The following APOL3 variants were observed in gnomAD, a reference collection of about 807,000 sequenced individuals.
APOL3 encodes apolipoprotein L3.
A neutral mutation model predicts 11.6 loss-of-function variants in APOL3; 14 were observed. The ratio of observed to expected loss-of-function variants is 1.21; its 90% CI spans 0.80 to 1.89. The LOEUF (loss-of-function observed/expected upper bound fraction) is 1.89, where lower values mean the gene tolerates loss of function less well. Ranked by LOEUF, APOL3 falls within the 40% of genes most tolerant of loss-of-function variation. The probability of loss-of-function intolerance (pLI) is 0.00; values close to 1 mark genes in which losing one functional copy is unlikely to be tolerated. For synonymous variants in APOL3, 192 were observed against 190.6 expected (o/e 1.01, Z -0.06); for missense variants, 483 against 492.1 (o/e 0.98, Z 0.17).
intron 1 of APOL3, among the ~76,000 whole-genome samples, chr22:36,147,347 T>A (rs1274746694): frequency 6.6e-6 from 1 of 152,138 alleles, no homozygotes; most frequent in East Asian, 1.9e-4. Context: ...ACCTCTGTCC[T>A]CTGCAGGCTG....
At chr22:36,140,340 G>C (rs1416295299) in exon 3 of APOL3, 1 of 152,196 alleles carries the variant, frequency 6.6e-6, no homozygotes, top group East Asian at 1.9e-4. Flanking sequence ...TGGTGAGTAG[G>C]TGAGTTTATT....
intron 1 of APOL3, chr22:36,156,021 G>T: frequency 7.3e-6 from 2 of 274,860 alleles, no homozygotes; most frequent in South Asian, 6.3e-5. Context: ...CCCTGCAAGT[G>T]GCTGTGGGGC....
chr22:36,146,793 A>G (rs1016929936), intron 1 of APOL3, among the ~76,000 whole-genome samples: 1 of 152,198 alleles, frequency 6.6e-6, no homozygotes, highest in Non-Finnish European at 1.5e-5. Flanking sequence ...ACATAATATT[A>G]TCAGTACAAA....
Position 36,150,014 on chromosome 22 carries a change from T to C in APOL3, c.224-4415A>G, listed in dbSNP as rs746038271. On this transcript the variant is annotated intron_variant, in intron 1 of 2. Coordinates refer to ENST00000349314, the Ensembl canonical transcript of APOL3. ...TTTTAGAAATGTGGATCTTGCTTTG[T>C]TGCCCAGAGCTGGTCTCCAACTCCT... The C allele has an allele frequency of 3.4e-4, 146 of 424,876 alleles. 4 individuals carry two copies. Among genetic ancestry groups the C allele is most frequent in the South Asian group, 2.2e-3 (127 of 57,962 alleles). 26.3% of individuals were successfully genotyped at this position (424,876 alleles called of 1,614,324 possible).
chr22:36,165,433 A>C (rs2013834951), upstream of APOL3: 1 of 152,148 alleles, frequency 6.6e-6, no homozygotes, highest in Non-Finnish European at 1.5e-5. Context: ...GTGCAAACCA[A>C]CTTAAAAAAA....
chr22:36,147,400 C>A (rs2060259434), intron 1 of APOL3, among the ~76,000 whole-genome samples: 1 of 152,172 alleles, frequency 6.6e-6, no homozygotes, highest in Admixed American at 6.5e-5. Context: ...CTGAACCCAG[C>A]TGGCCGCGTT....
intron 1 of APOL3, among the ~76,000 whole-genome samples, chr22:36,153,885 C>T (rs2012264263): frequency 1.3e-5 from 2 of 152,156 alleles, no homozygotes; most frequent in Admixed American, 1.3e-4. Context: ...AGAAATACAT[C>T]GGTTTGGTCT....
exon 3 of APOL3, chr22:36,141,345 T>A (rs1208108559): frequency 1.2e-6 from 2 of 1,614,184 alleles, no homozygotes; most frequent in Admixed American, 3.3e-5. Flanking sequence ...GTATACAAGG[T>A]TGACCACATC....
chr22:36,145,732 G>A (rs2060174939), intron 1 of APOL3, 133 bp from the exon 3 acceptor site: 2 of 1,072,652 alleles, frequency 1.9e-6, no homozygotes, highest in Non-Finnish European at 2.7e-6. Flanking sequence ...AGGCATCAGT[G>A]CTATAGACTG....
intron 2 of APOL3, among the ~76,000 whole-genome samples, chr22:36,145,201 GAA>G (rs1382648909): frequency 2.6e-5 from 4 of 152,188 alleles, no homozygotes; most frequent in Non-Finnish European, 5.9e-5. Flanking sequence ...AAGGAAGGCA[GAA>G]AGTAGTCAAG....
At chr22:36,145,485 G>T in exon 2 of APOL3, 1 of 1,614,054 alleles carries the variant, frequency 6.2e-7, no homozygotes, top group Non-Finnish European at 8.5e-7. Flanking sequence ...GGGCAATTCA[G>T]CCGCAGTCAC....
At chr22:36,159,540 T>C (rs1228277679) in intron 1 of APOL3, 1 of 152,222 alleles carries the variant, frequency 6.6e-6, no homozygotes, top group African/African-American at 2.4e-5. Context: ...CTTCCACAGT[T>C]TGACTTTTAA....
chr22:36,145,389 T>C, intron 2 of APOL3, 84 bp downstream of exon 3: 1 of 1,520,562 alleles, frequency 6.6e-7, no homozygotes, highest in South Asian at 1.3e-5. Flanking sequence ...CTGGAGGAGG[T>C]GTGCCTGCCA....
intron 1 of APOL3, among the ~76,000 whole-genome samples, 166 bp downstream of exon 2, chr22:36,148,880 C>T (rs1176933277): frequency 2.0e-5 from 3 of 152,184 alleles, no homozygotes; most frequent in Non-Finnish European, 4.4e-5. Context: ...CCCCCACAGA[C>T]CCTTGGGTCG....
intron 2 of APOL3, among the ~76,000 whole-genome samples, chr22:36,145,021 A>G (rs2060137604): frequency 1.2e-5 from 1 of 86,570 alleles, no homozygotes. Flanking sequence ...AAAAAAAAAA[A>G]AAAAGAAAAA....
chr22:36,151,280 G>A (rs911985836), intron 1 of APOL3, among the ~76,000 whole-genome samples: 1 of 152,094 alleles, frequency 6.6e-6, no homozygotes, highest in Non-Finnish European at 1.5e-5. Context: ...ATAGATCTAG[G>A]ATCAGATAAA....
At chr22:36,146,741 G>A (rs115887018) in intron 1 of APOL3, among the ~76,000 whole-genome samples, 160 of 152,162 alleles carry the variant, frequency 1.1e-3, no homozygotes, top group African/African-American at 3.7e-3. Flanking sequence ...AGGTACAAAT[G>A]TTTCAACAGA....
At chr22:36,144,077 C>A (rs1429483780) in intron 2 of APOL3, among the ~76,000 whole-genome samples, 1 of 152,108 alleles carries the variant, frequency 6.6e-6, no homozygotes, top group African/African-American at 2.4e-5. Context: ...TTCAGAATGC[C>A]CCAGTTCCCA....
At chr22:36,156,836 T>G (rs2012950452) in intron 1 of APOL3, 4 of 423,414 alleles carry the variant, frequency 9.4e-6, no homozygotes, top group Non-Finnish European at 1.9e-5. Flanking sequence ...GCATCCCCTA[T>G]GACTGACCTG....
Sources: gnomAD v4.1 joint callset for allele counts (sites outside exome capture counted in the v4.1 genomes callset) on GRCh38, gnomAD v4.1.1 for gene constraint, MANE v1.5 for transcripts, NCBI Gene and HGNC (gene_info 2026-07-23, HGNC 2026-07-21) for gene names.